The following MYO18A variants were observed in gnomAD, a reference collection of about 807,000 sequenced individuals.
MYO18A encodes myosin XVIIIA.
A neutral mutation model predicts 235.8 loss-of-function variants in MYO18A; 78 were observed. The observed-to-expected ratio is 0.33, with a 90% CI of 0.28 to 0.40. MYO18A has a LOEUF of 0.40. MYO18A is among the 10% of genes least tolerant of loss of function. The pLI, the probability that MYO18A is intolerant of heterozygous loss-of-function variation, is 1.00. For synonymous variants in MYO18A, 977 were observed against 1,077.8 expected, an observed-to-expected ratio of 0.91 and a Z score of 1.83; for missense variants, 2,215 against 2,699.3, an observed-to-expected ratio of 0.82 and a Z score of 3.98.
intron 21 of MYO18A, among the ~76,000 whole-genome samples, chr17:29,103,177 C>T (rs1338399505): frequency 2.0e-5 from 3 of 152,228 alleles, no homozygotes; most frequent in African/African-American, 7.2e-5. Flanking sequence ...CTCTCTGGAA[C>T]CCAGCAGCCC....
In MYO18A at chr17:29,116,429, G is replaced by A; in HGVS notation, c.2050+15C>T. 6.2e-7 allele frequency: 1 copy of A among 1,613,986 alleles called. No individual in the cohort carries two copies. Among genetic ancestry groups the A allele is most frequent in the Admixed American group, 1.7e-5 (1 of 60,026 alleles). ...CACGGCAATTAGGGAAAGCTAACAAGAAACAAGGTTTTACCTTCAGCAGCT... is the reference window on the plus strand; with the variant it reads ...CACGGCAATTAGGGAAAGCTAACAAAAAACAAGGTTTTACCTTCAGCAGCT... On this transcript the variant is annotated intron_variant, in intron 11 of 41. Transcript: ENST00000527372.
In MYO18A at chr17:29,074,160, G is replaced by GAA. The variant is rs1441715499; in HGVS notation, c.*608_*609dup. The GAA allele has an allele frequency of 1.9e-6, 3 of 1,612,940 alleles. No homozygotes were observed. The East Asian group carries it at 6.7e-5, about 36-fold the overall frequency. ...TCACCAGCGTCTCCAGCTGCACAGA[G>GAA]AAAGGACTGCTCTCTGAAGGGTGAA... is the stretch of plus-strand genomic sequence containing the variant. On this transcript the variant is annotated 3_prime_UTR_variant, in exon 42 of 42. Coordinates refer to ENST00000527372, the MANE Select transcript of MYO18A (RefSeq NM_078471.4). This position sits in a 1 kb window ranked among gnomAD's most constrained non-coding sequence, Gnocchi z 4.4.
At chr17:29,095,087 G>T in intron 28 of MYO18A, 28 bp from the exon 29 acceptor site, 1 of 1,499,982 alleles carries the variant, frequency 6.7e-7, no homozygotes, top group Non-Finnish European at 8.9e-7. Flanking sequence ...GGCTCCATCA[G>T]ATGGGGAAGA....
rs375966883 is a variant in MYO18A, at chr17:29,114,004, C to T, written c.2598+7G>A. On this transcript the variant is annotated splice_region_variant and intron_variant, in intron 15 of 41. Coordinates refer to ENST00000527372, the MANE Select transcript of MYO18A (RefSeq NM_078471.4). ...AGGCTTGCCCAAACCCTCTCTGGAG[C>T]TCCTACCAGGGACTGATGGGAGGCC... 6.3e-7 allele frequency: 1 copy of T among 1,586,484 alleles called. No individual in the cohort carries two copies. The highest frequency in any genetic ancestry group is 8.6e-7 in the Non-Finnish European group (1 of 1,166,376).
intron 24 of MYO18A, 58 bp from the exon 25 acceptor site, chr17:29,098,282 A>G: frequency 6.2e-7 from 1 of 1,612,232 alleles, no homozygotes; most frequent in South Asian, 1.1e-5. Context: ...CTCAGCCAGA[A>G]CACCTGGGGG....
rs1439199547 is a variant in MYO18A, at chr17:29,121,965, G to A, written c.1088-8C>T. 1.2e-6 allele frequency: 2 copies of A among 1,613,382 alleles called. No individual in the cohort carries two copies. The highest frequency in any genetic ancestry group is 1.7e-6 in the Non-Finnish European group (2 of 1,179,530). ...CAGATTTGAGTTGACTGGCTGCAGG[G>A]GAGGGACAGACAGCTGGGATGGGCC... On this transcript the variant is annotated splice_region_variant and splice_polypyrimidine_tract_variant and intron_variant, in intron 3 of 41. Coordinates refer to ENST00000527372, the MANE Select transcript of MYO18A (RefSeq NM_078471.4). The surrounding 1 kb of genome is among the most constrained non-coding windows in gnomAD (Gnocchi z 4.2).
At chr17:29,148,375 C>CA (rs1010150573) in intron 2 of MYO18A, among the ~76,000 whole-genome samples, 25 of 152,294 alleles carry the variant, frequency 1.6e-4, no homozygotes, top group Admixed American at 5.2e-4. Context: ...TTAAAGCACT[C>CA]AGAGCTCAGG....
At chr17:29,157,881 C>T (rs1017266116) in intron 2 of MYO18A, among the ~76,000 whole-genome samples, 2 of 152,062 alleles carry the variant, frequency 1.3e-5, no homozygotes, top group African/African-American at 4.8e-5. Context: ...GTAGCCCCAA[C>T]CTCCCAGGTT....
chr17:29,146,307 A>G (rs1462220988), intron 2 of MYO18A, among the ~76,000 whole-genome samples: 1 of 152,204 alleles, frequency 6.6e-6, no homozygotes, highest in Admixed American at 6.5e-5. Context: ...GAAGTGGAAA[A>G]GCATGAGATG....
At chr17:29,172,709 A>G (rs2152987475) in intron 1 of MYO18A, among the ~76,000 whole-genome samples, 1 of 152,338 alleles carries the variant, frequency 6.6e-6, no homozygotes, top group African/African-American at 2.4e-5. Context: ...ATAACAGAGT[A>G]CACAAGTATG....
intron 41 of MYO18A, chr17:29,076,625 A>G (rs1230613367): frequency 6.6e-6 from 1 of 152,270 alleles, no homozygotes; most frequent in East Asian, 1.9e-4. Flanking sequence ...GGCCAAAGGC[A>G]CTTAGGGACT....
intron 2 of MYO18A, among the ~76,000 whole-genome samples, chr17:29,137,858 C>A (rs930741055): frequency 6.6e-6 from 1 of 152,002 alleles, no homozygotes; most frequent in African/African-American, 2.4e-5. Flanking sequence ...AACATGAACA[C>A]CTGGTATTTA....
chr17:29,141,172 T>G (rs2067731732), intron 2 of MYO18A, among the ~76,000 whole-genome samples: 1 of 152,136 alleles, frequency 6.6e-6, no homozygotes, highest in Non-Finnish European at 1.5e-5. Context: ...GCCTCAGCCC[T>G]GCAGACAGAG....
Position 29,075,094 on chromosome 17 carries a change from C to G in MYO18A, c.6021-180G>C, listed in dbSNP as rs2065942472. On this transcript the variant is annotated intron_variant, in intron 41 of 41. Transcript: ENST00000527372. ...ACTCAAAATGCTAAGAGGAAGGAGACTCTGGAAGCTTTTAAAGCTCCGAGG... is the reference window on the plus strand; with the variant it reads ...ACTCAAAATGCTAAGAGGAAGGAGAGTCTGGAAGCTTTTAAAGCTCCGAGG... The G allele has an allele frequency of 9.0e-6, 6 of 663,472 alleles. No individual in the cohort carries two copies. In the South Asian group the frequency reaches 1.4e-4, roughly 16 times the overall value. The allele number at this position is 663,472 out of a possible 1,614,324, so 41.1% of individuals were successfully genotyped here.
intron 2 of MYO18A, chr17:29,128,694 A>G (rs2067386086): frequency 7.7e-6 from 4 of 519,192 alleles, no homozygotes; most frequent in Non-Finnish European, 1.2e-5. Flanking sequence ...AGGCTACCCC[A>G]GGAAGCCCAC....
At position 29,082,568 on chromosome 17, in the gene MYO18A, G is replaced by A; in HGVS notation, c.5898-130C>T. ...CAGCATGCACGTCGGTGAGTCGGGA[G>A]GGCGGGAATGAGAGAGGTTAGACAG... On this transcript the variant is annotated intron_variant, in intron 40 of 41. Coordinates refer to ENST00000527372, the MANE Select transcript of MYO18A (RefSeq NM_078471.4). 2.2e-5 allele frequency: 20 copies of A among 889,452 alleles called. No homozygotes were observed. The South Asian group carries it at 3.1e-4, about 14-fold the overall frequency. 55.1% of individuals were successfully genotyped at this position (889,452 alleles called of 1,614,324 possible).
At chr17:29,075,211 C>T (rs553550508) in intron 41 of MYO18A, 97 of 320,020 alleles carry the variant, frequency 3.0e-4, no homozygotes, top group African/African-American at 1.9e-3. Context: ...AACCTTGAAT[C>T]GCTGGCTTTT....
At position 29,111,675 on chromosome 17, in the gene MYO18A, G is replaced by C. The variant is rs760250916; in HGVS notation, c.2740+47C>G. ...CAGGGAGTGCCACCTGGACCCACCT[G>C]TATGTAAGAGGAAGCAGAGGAGCTA... On this transcript the variant is annotated intron_variant, in intron 16 of 41. Transcript: ENST00000527372. This position sits in a 1 kb window ranked among gnomAD's most constrained non-coding sequence, Gnocchi z 5.1. 1.2e-6 allele frequency: 2 copies of C among 1,612,418 alleles called. No homozygotes were observed. The highest frequency in any genetic ancestry group is 4.5e-5 in the East Asian group (2 of 44,858).
intron 2 of MYO18A, among the ~76,000 whole-genome samples, chr17:29,153,428 C>T (rs371803118): frequency 5.3e-5 from 8 of 152,330 alleles, no homozygotes; most frequent in African/African-American, 1.7e-4. Flanking sequence ...CAGGCATGAA[C>T]AACCACACTG....
Sources: allele counts gnomAD v4.1 joint callset (sites outside exome capture counted in the v4.1 genomes callset), GRCh38; gene constraint gnomAD v4.1.1; non-coding constraint Gnocchi (gnomAD v3.1); transcripts MANE v1.5; gene names NCBI Gene and HGNC (gene_info 2026-07-23, HGNC 2026-07-21).